Variants in MS4A2 observed in about 807,000 individuals in gnomAD.
The protein encoded by MS4A2 is membrane spanning 4-domains A2.
In MS4A2, 26 loss-of-function variants were observed where a neutral mutation model predicts 27.9. The ratio of observed to expected loss-of-function variants is 0.93; its 90% CI spans 0.68 to 1.29. The LOEUF is 1.29. Among genes scored for constraint, MS4A2 ranks in the 50% most tolerant of loss-of-function variants. The pLI, the probability that MS4A2 is intolerant of heterozygous loss-of-function variation, is 0.00. For missense variants in MS4A2, 284 were observed against 284.6 expected (o/e 1.00, Z 0.01); for synonymous variants, 110 against 98.8 (o/e 1.11, Z -0.67).
rs1490108293 is a variant in MS4A2 at position 60,097,908 on chromosome 11, T to G, written c.*2252T>G. 1.3e-5 allele frequency: 2 copies of G among 152,208 alleles called. No homozygotes were observed. Among genetic ancestry groups the G allele is most frequent in the Non-Finnish European group, 2.9e-5 (2 of 68,038 alleles). 9.4% of individuals were successfully genotyped at this position (152,208 alleles called of 1,614,324 possible). On this transcript the variant is annotated 3_prime_UTR_variant, in exon 7 of 7. Coordinates refer to ENST00000278888, the MANE Select transcript of MS4A2 (RefSeq NM_000139.5). ...CAGAATAAAAACCCTACCCTTTCAC[T>G]GTGTATCATGCTAAGCTGCATCTCT... is the stretch of plus-strand genomic sequence containing the variant.
Position 60,095,451 on chromosome 11 carries a change from G to A in MS4A2, c.637-107G>A, listed in dbSNP as rs539831877. 1.6e-5 allele frequency: 12 copies of A among 748,534 alleles called. No individual in the cohort carries two copies. The African/African-American group carries it at 2.1e-4, about 13-fold the overall frequency. The allele number at this position is 748,534 out of a possible 1,614,324, so 46.4% of individuals were successfully genotyped here. A position where few individuals can be genotyped will look rare whatever the true frequency, so the allele number is the denominator to read the frequency against. On this transcript the variant is annotated intron_variant, in intron 6 of 6. Transcript: ENST00000278888. The stretch of plus-strand genomic sequence containing the variant: ...AATAATCAGAGTTTAATGACAGAGA[G>A]CGTGAGACCCAGAAAGACAAAAGTA...
rs766717343 is a variant in MS4A2, at chr11:60,095,570, C to T, written c.649C>T (p.Arg217Cys). 8.1e-6 allele frequency: 13 copies of T among 1,607,114 alleles called. No individual in the cohort carries two copies. The highest frequency in any genetic ancestry group is 1.1e-5 in the South Asian group (1 of 90,920). ...ELKGNKVPED[R>C]VYEELNIYSA... Reference sequence around the variant, plus strand: ...TTTCCCTTATCAGGTTCCAGAGGATCGTGTTTATGAAGAATTAAACATATA... The same window carrying T: ...TTTCCCTTATCAGGTTCCAGAGGATTGTGTTTATGAAGAATTAAACATATA... Residue 217 changes from arginine (R) to cysteine (C), a missense_variant, in exon 7 of 7, where the codon CGT becomes TGT. Transcript: ENST00000278888.
chr11:60,092,083 C>T (rs1019921175), intron 3 of MS4A2, among the ~76,000 whole-genome samples: 2 of 152,006 alleles, frequency 1.3e-5, no homozygotes, highest in Admixed American at 6.6e-5. Context: ...GGAAGACGCA[C>T]ATACAAATAG....
At chr11:60,090,659 G>A (rs909728320) in intron 3 of MS4A2, among the ~76,000 whole-genome samples, 189 bp downstream of exon 3, 1 of 151,812 alleles carries the variant, frequency 6.6e-6, no homozygotes, top group East Asian at 1.9e-4. Flanking sequence ...TACAATTAAC[G>A]GTGGGTTAAA....
At position 60,093,443 on chromosome 11, in the gene MS4A2, G is replaced by C. The variant is rs964080194; in HGVS notation, c.422G>C (p.Gly141Ala). The C allele has an allele frequency of 8.1e-6, 13 of 1,614,150 alleles. No individual in the cohort carries two copies. The highest frequency in any genetic ancestry group is 5.0e-5 in the Admixed American group (3 of 60,022). The change falls in exon 5 of 7, where the codon GGG (glycine) becomes GCG (alanine). Residue 141 changes from glycine (G) to alanine (A), a missense_variant. By Grantham distance (60) the Gly-to-Ala change is moderately conservative. Transcript: ENST00000278888. ...LGANTASSIA[G>A]GTGITILIIN... ...GCAAACACTGCCAGCAGCATAGCTGGGGGAACGGGAATTACCATCCTGATC... is the reference window on the plus strand; with the variant it reads ...GCAAACACTGCCAGCAGCATAGCTGCGGGAACGGGAATTACCATCCTGATC...
chr11:60,090,333 T>C lies in MS4A2; in HGVS notation c.187-3T>C, dbSNP rs763609692. On this transcript the variant is annotated splice_polypyrimidine_tract_variant and splice_region_variant and intron_variant, in intron 2 of 6. Transcript: ENST00000278888. Reference sequence around the variant, plus strand: ...TTCATGAAATTCATGTGTTTTTCTATAGGTAACACAAATTCTGACTGCTAT... The same window carrying C: ...TTCATGAAATTCATGTGTTTTTCTACAGGTAACACAAATTCTGACTGCTAT... The C allele has an allele frequency of 6.2e-6, 10 of 1,612,430 alleles. No individual in the cohort carries two copies. The highest frequency in any genetic ancestry group is 1.7e-5 in the Admixed American group (1 of 60,012).
Position 60,089,724 on chromosome 11 carries a change from C to G in MS4A2, c.89C>G (p.Pro30Arg), listed in dbSNP as rs913418854. The G allele has an allele frequency of 1.9e-6, 3 of 1,613,998 alleles. No individual in the cohort carries two copies. In the Admixed American group the frequency reaches 5.0e-5, roughly 27 times the overall value. Residue 30 changes from proline to arginine, a missense_variant, in exon 2 of 7, where the codon CCC becomes CGC. Pro to Arg is a moderately radical substitution (Grantham distance 103, BLOSUM62 -2). Coordinates refer to ENST00000278888, the MANE Select transcript of MS4A2 (RefSeq NM_000139.5). Reference protein sequence around the residue: ...VPAFEVLEISPQEVSSGRLLK... With the variant: ...VPAFEVLEISRQEVSSGRLLK... The stretch of plus-strand genomic sequence containing the variant: ...GCATTTGAAGTCTTGGAAATATCTC[C>G]CCAGGAAGTATCTTCAGGCAGACTA...
intron 3 of MS4A2, among the ~76,000 whole-genome samples, chr11:60,091,836 C>T (rs1159322128): frequency 6.6e-6 from 1 of 152,158 alleles, no homozygotes; most frequent in African/African-American, 2.4e-5. Context: ...TCTCTACTGT[C>T]TTTTTATTTC....
At chr11:60,092,705 G>T (rs502581) in intron 3 of MS4A2, 87 bp from the exon 4 acceptor site, 525,919 of 1,207,896 alleles carry the variant, frequency 0.44, 117,072 homozygotes, top group Middle Eastern at 0.55. Context: ...TACCCCAAAT[G>T]TTACCTATGT....
chr11:60,088,850 C>T (rs1855701850), intron 1 of MS4A2, 29 bp downstream of exon 1: 1 of 1,596,600 alleles, frequency 6.3e-7, no homozygotes, highest in Non-Finnish European at 8.6e-7. Flanking sequence ...TTTTTTCTAC[C>T]CTCAGTCACT....
At chr11:60,094,129 A>G in intron 6 of MS4A2, 67 bp downstream of exon 6, 1 of 1,081,258 alleles carries the variant, frequency 9.2e-7, no homozygotes, top group Admixed American at 1.7e-5. Flanking sequence ...TTCCTTAAAA[A>G]TATGGCCTGG....
chr11:60,093,908 T>G, intron 5 of MS4A2, 56 bp from the exon 6 acceptor site: 6 of 1,404,114 alleles, frequency 4.3e-6, no homozygotes, highest in Non-Finnish European at 6.1e-6. Flanking sequence ...GAAAATAAAC[T>G]TTTGGGGCGA....
chr11:60,091,118 T>A (rs1236742220), intron 3 of MS4A2, among the ~76,000 whole-genome samples: 1 of 152,104 alleles, frequency 6.6e-6, no homozygotes, highest in East Asian at 1.9e-4. Context: ...GCCATTGCAC[T>A]CCAGCCTGGG....
intron 5 of MS4A2, 194 bp from the exon 6 acceptor site, chr11:60,093,770 G>C: frequency 2.5e-6 from 2 of 806,632 alleles, no homozygotes; most frequent in Non-Finnish European, 4.1e-6. Context: ...TCTACTGCAA[G>C]TGACGATCTC....
chr11:60,096,244 A>C lies in MS4A2; in HGVS notation c.*588A>C, dbSNP rs1388066327. ...GCCTGAATCACCAGCACATTCACTG[A>C]CATGATATTATTTGCAGATTGACAA... On this transcript the variant is annotated 3_prime_UTR_variant, in exon 7 of 7. Coordinates refer to ENST00000278888, the MANE Select transcript of MS4A2 (RefSeq NM_000139.5). 6.5e-6 allele frequency: 1 copy of C among 152,780 alleles called. No homozygotes were observed. Among genetic ancestry groups the C allele is most frequent in the Non-Finnish European group, 1.5e-5 (1 of 68,470 alleles). The allele number at this position is 152,780 out of a possible 1,614,324, so 9.5% of individuals were successfully genotyped here.
chr11:60,088,442 T>G (rs1158017328), upstream of MS4A2: 1 of 299,044 alleles, frequency 3.3e-6, no homozygotes, highest in Non-Finnish European at 6.1e-6. Context: ...TCTCAACTCC[T>G]ACTAAAATGT....
intron 1 of MS4A2, among the ~76,000 whole-genome samples, chr11:60,089,098 G>A (rs537301157): frequency 1.3e-5 from 2 of 152,304 alleles, no homozygotes; most frequent in South Asian, 4.2e-4. Context: ...TACTGTGTAT[G>A]TAGATCTCTG....
rs1414399926 is a variant in MS4A2 at position 60,095,981 on chromosome 11, G to A, written c.*325G>A. 1.1e-5 allele frequency: 3 copies of A among 269,906 alleles called. No homozygotes were observed. The highest frequency in any genetic ancestry group is 1.0e-4 in the Admixed American group (2 of 19,836). The allele number at this position is 269,906 out of a possible 1,614,324, so 16.7% of individuals were successfully genotyped here. A position where few individuals can be genotyped will look rare whatever the true frequency, so the allele number is the denominator to read the frequency against. ...CAGAAAAAAAGAAGGCTGGCTGAAA[G>A]TTGAGTTAAACTTTGACAGTTTGAT... On this transcript the variant is annotated 3_prime_UTR_variant, in exon 7 of 7. Transcript: ENST00000278888.
intron 1 of MS4A2, 56 bp downstream of exon 1, chr11:60,088,877 C>T: frequency 6.5e-7 from 1 of 1,530,844 alleles, no homozygotes; most frequent in Non-Finnish European, 9.0e-7. Flanking sequence ...CAGGGGAAGT[C>T]ATAGTCACGG....
Sources: gnomAD v4.1 joint callset for allele counts (sites outside exome capture counted in the v4.1 genomes callset) on GRCh38, gnomAD v4.1.1 for gene constraint, MANE v1.5 for transcripts, NCBI Gene and HGNC (gene_info 2026-07-23, HGNC 2026-07-21) for gene names.